CTSH: variants seen among roughly 807,000 people sequenced by gnomAD.
CTSH encodes the protein cathepsin H.
Under a neutral mutation model 56.3 loss-of-function variants are expected in CTSH, and 52 were observed. That is an observed-to-expected ratio of 0.92 (90% CI 0.74 to 1.16). The LOEUF (loss-of-function observed/expected upper bound fraction) is 1.16. CTSH is among the 50% of genes most tolerant of loss of function. The probability of loss-of-function intolerance (pLI) is 0.00; values close to 1 mark genes in which losing one functional copy is unlikely to be tolerated. For synonymous variants in CTSH, 174 were observed against 155.7 expected, an observed-to-expected ratio of 1.12 and a Z score of -0.88; for missense variants, 406 against 424.5, an observed-to-expected ratio of 0.96 and a Z score of 0.38.
At chr15:78,933,618 G>T (rs1396489957) in intron 5 of CTSH, 1 of 436,388 alleles carries the variant, frequency 2.3e-6, no homozygotes, top group Admixed American at 2.4e-5. Context: ...GGCAGACGTG[G>T]CCACTTCGGG....
In CTSH at chr15:78,932,505, G is replaced by A. The variant is rs560861855; in HGVS notation, c.406-47C>T. 1.4e-4 allele frequency: 196 copies of A among 1,448,416 alleles called. 1 individual carries two copies. In the East Asian group the frequency reaches 3.9e-3, roughly 29 times the overall value. 89.7% of individuals were successfully genotyped at this position (1,448,416 alleles called of 1,614,324 possible). A position where few individuals can be genotyped will look rare whatever the true frequency, so the allele number is the denominator to read the frequency against. ...AGAGGACATCAGTGATGGGGACGCC[G>A]TGAGACAGCCCTGCCTTCTGCCTTC... On this transcript the variant is annotated intron_variant, in intron 5 of 11. Coordinates refer to ENST00000220166, the MANE Select transcript of CTSH (RefSeq NM_004390.5).
chr15:78,921,245 C>G lies in CTSH; in HGVS notation c.*885G>C, dbSNP rs2054764967. On this transcript the variant is annotated 3_prime_UTR_variant, in exon 12 of 12. Coordinates refer to ENST00000220166, the MANE Select transcript of CTSH (RefSeq NM_004390.5). Reference sequence around the variant, plus strand: ...GGACTCCAGCTTGTTCTACAGACATCCCAGAGCCCGGAGGCTTCAGGAAGC... The same window carrying G: ...GGACTCCAGCTTGTTCTACAGACATGCCAGAGCCCGGAGGCTTCAGGAAGC... 6.6e-6 allele frequency: 1 copy of G among 152,162 alleles called. No homozygotes were observed. Among genetic ancestry groups the G allele is most frequent in the Non-Finnish European group, 1.5e-5 (1 of 68,034 alleles). 9.4% of individuals were successfully genotyped at this position (152,162 alleles called of 1,614,324 possible).
intron 10 of CTSH, among the ~76,000 whole-genome samples, chr15:78,924,077 T>TG (rs542207009): frequency 0.27 from 9,856 of 36,150 alleles, 569 homozygotes; most frequent in Middle Eastern, 0.41. Flanking sequence ...CCCCAGGAGG[T>TG]GGGGGGGATC....
At chr15:78,924,098 G>A (rs1308946733) in intron 10 of CTSH, among the ~76,000 whole-genome samples, 26 of 8,720 alleles carry the variant, frequency 3.0e-3, no homozygotes, top group Admixed American at 5.8e-3. Context: ...CAACCCAGCG[G>A]GGGGGGGGGG....
chr15:78,942,380 T>G (rs901906837), intron 1 of CTSH, among the ~76,000 whole-genome samples: 2 of 152,076 alleles, frequency 1.3e-5, no homozygotes, highest in Non-Finnish European at 2.9e-5. Context: ...GCCCGGCTAA[T>G]TTTTATATTT....
chr15:78,921,266 G>GAAGC lies in CTSH; in HGVS notation c.*860_*863dup, dbSNP rs1477763396. The GAAGC allele has an allele frequency of 6.6e-6, 1 of 152,188 alleles. No individual in the cohort carries two copies. Among genetic ancestry groups the GAAGC allele is most frequent in the African/African-American group, 2.4e-5 (1 of 41,442 alleles). 9.4% of individuals were successfully genotyped at this position (152,188 alleles called of 1,614,324 possible). On this transcript the variant is annotated 3_prime_UTR_variant, in exon 12 of 12. Coordinates refer to ENST00000220166, the MANE Select transcript of CTSH (RefSeq NM_004390.5). ...ACATCCCAGAGCCCGGAGGCTTCAG[G>GAAGC]AAGCAGCAGCAACTTCATGGCCGCC... is the stretch of plus-strand genomic sequence containing the variant.
chr15:78,923,073 C>T lies in CTSH; in HGVS notation c.852G>A (p.Leu284=). ...CATTTTTTTCTCCATACCCAACAGCCAGTACTGCATGGTTTACTTTATCTG... is the reference window on the plus strand; with the variant it reads ...CATTTTTTTCTCCATACCCAACAGCTAGTACTGCATGGTTTACTTTATCTG... ...KTPDKVNHAV[L]AVGYGEKNGI... The change falls in exon 11 of 12, where the codon CTG becomes CTA. Residue 284 remains leucine (L), a synonymous_variant. Coordinates refer to ENST00000220166, the MANE Select transcript of CTSH (RefSeq NM_004390.5). 2 of 1,613,424 alleles carry T rather than the reference C, an allele frequency of 1.2e-6. No individual in the cohort carries two copies. The highest frequency in any genetic ancestry group is 2.2e-5 in the South Asian group (2 of 90,904).
chr15:78,944,879 C>T lies in CTSH; in HGVS notation c.91+12G>A. 6.5e-7 allele frequency: 1 copy of T among 1,545,468 alleles called. No homozygotes were observed. The highest frequency in any genetic ancestry group is 8.7e-7 in the Non-Finnish European group (1 of 1,144,096). ...TGCTAGCACCCTCTCGGGCGGCGCG[C>T]CCTCTGCGTACCTAAGGAGTTCACG... On this transcript the variant is annotated intron_variant, in intron 1 of 11. Coordinates refer to ENST00000220166, the MANE Select transcript of CTSH (RefSeq NM_004390.5).
Position 78,921,967 on chromosome 15 carries a change from T to A in CTSH, c.*163A>T, listed in dbSNP as rs1181959178. On this transcript the variant is annotated 3_prime_UTR_variant, in exon 12 of 12. Transcript: ENST00000220166. ...GACACGGGTGAGCTCATGGTGGAAC[T>A]CCTCCTTGTCTGTAGGTTTCCAGGC... is the stretch of plus-strand genomic sequence containing the variant. 18 of 628,436 alleles carry A rather than the reference T, an allele frequency of 2.9e-5. No individual in the cohort carries two copies. Among genetic ancestry groups the A allele is most frequent in the Non-Finnish European group, 2.8e-6 (1 of 359,036 alleles). The allele number at this position is 628,436 out of a possible 1,614,324, so 38.9% of individuals were successfully genotyped here.
In CTSH at chr15:78,927,710, C is replaced by T; in HGVS notation, c.699+3G>A. 1 of 1,613,960 alleles carries T rather than the reference C, an allele frequency of 6.2e-7. No homozygotes were observed. The highest frequency in any genetic ancestry group is 8.5e-7 in the Non-Finnish European group (1 of 1,179,886). On this transcript the variant is annotated splice_donor_region_variant and intron_variant, in intron 9 of 11. Transcript: ENST00000220166. ...CCCATCCCAGAGGGGGATCGGCACT[C>T]ACGATTGTGATGTTGGCTACATCCT...
intron 3 of CTSH, among the ~76,000 whole-genome samples, chr15:78,936,180 C>CTTTTTTTTTT (rs66819363): frequency 9.9e-5 from 9 of 90,852 alleles, no homozygotes; most frequent in Non-Finnish European, 1.4e-4. Flanking sequence ...CTTTTCTTTT[C>CTTTTTTTTTT]TTTTTTTTTT....
intron 9 of CTSH, chr15:78,927,493 G>C (rs1327224843): frequency 2.6e-5 from 14 of 543,116 alleles, no homozygotes; most frequent in South Asian, 1.0e-4. Flanking sequence ...GTGTGGATCT[G>C]GAGTTCAGAA....
intron 11 of CTSH, 81 bp downstream of exon 11, chr15:78,922,912 C>CT (rs2054804549): frequency 2.7e-6 from 4 of 1,507,742 alleles, no homozygotes; most frequent in Non-Finnish European, 3.5e-6. Context: ...AGCCGTAACT[C>CT]TGAGGTGGAA....
intron 5 of CTSH, chr15:78,933,731 C>T (rs2055115240): frequency 6.9e-6 from 2 of 289,326 alleles, no homozygotes; most frequent in Non-Finnish European, 1.4e-5. Flanking sequence ...ACTTACTTAC[C>T]TTGGACCTCA....
At chr15:78,927,833 G>T in intron 8 of CTSH, 52 bp from the exon 9 acceptor site, 1 of 1,446,470 alleles carries the variant, frequency 6.9e-7, no homozygotes, top group Non-Finnish European at 9.7e-7. Context: ...CGAAGTCTCA[G>T]CCTCCCCACG....
intron 1 of CTSH, 78 bp downstream of exon 1, chr15:78,944,813 T>C (rs773037361): frequency 1.4e-6 from 2 of 1,470,228 alleles, no homozygotes; most frequent in South Asian, 1.3e-5. Context: ...CGGAGCCCAG[T>C]GCGCCCCTGG....
chr15:78,943,167 C>T (rs549029300), intron 1 of CTSH, among the ~76,000 whole-genome samples: 3 of 152,256 alleles, frequency 2.0e-5, no homozygotes, highest in Non-Finnish European at 4.4e-5. Flanking sequence ...TAAAATAGAT[C>T]CATTCCAATC....
At chr15:78,922,869 G>C in intron 11 of CTSH, 124 bp downstream of exon 11, 1 of 1,210,216 alleles carries the variant, frequency 8.3e-7, no homozygotes, top group Non-Finnish European at 1.1e-6. Flanking sequence ...CCCTGGCCTG[G>C]CCTAGGGCTT....
chr15:78,927,401 G>C (rs183422949), intron 9 of CTSH: 10 of 412,426 alleles, frequency 2.4e-5, no homozygotes, highest in Non-Finnish European at 4.5e-5. Flanking sequence ...TGTCAAGCAC[G>C]TGCTCATACC....
Sources: gnomAD v4.1 joint callset for allele counts (sites outside exome capture counted in the v4.1 genomes callset) on GRCh38, gnomAD v4.1.1 for gene constraint, MANE v1.5 for transcripts, NCBI Gene and HGNC (gene_info 2026-07-23, HGNC 2026-07-21) for gene names.